Variants in SLC6A11 observed in about 807,000 individuals in gnomAD.
SLC6A11 encodes the protein sodium- and chloride-dependent GABA transporter 3.
Under a neutral mutation model 74.8 loss-of-function variants are expected in SLC6A11, and 25 were observed. The observed-to-expected ratio is 0.33, with a 90% CI of 0.24 to 0.47. The LOEUF (loss-of-function observed/expected upper bound fraction) is 0.47, where lower values mean the gene tolerates loss of function less well. SLC6A11 is among the 20% of genes least tolerant of loss of function. SLC6A11 has a pLI of 1.00. For missense variants in SLC6A11, 574 were observed against 837.0 expected (o/e 0.69, Z 3.88); for synonymous variants, 330 against 330.2 (o/e 1.00, Z 0.01).
chr3:10,864,456 T>A lies in SLC6A11; in HGVS notation c.757-10505T>A, dbSNP rs548246732. 1.6e-3 allele frequency among the ~76,000 whole-genome samples: 236 copies of A among 151,956 alleles called. 1 individual carries two copies. The highest frequency in any genetic ancestry group is 6.8e-3 in the Middle Eastern group (2 of 294). ...CCTCAATGGAGAGCCCCCAAGCTCC[T>A]TCCTCACCAGGTTCCTGGCACATCC... On this transcript the variant is annotated intron_variant, in intron 5 of 13. Transcript: ENST00000254488.
At chr3:10,857,722 G>T (rs1336047599) in intron 5 of SLC6A11, among the ~76,000 whole-genome samples, 2 of 152,178 alleles carry the variant, frequency 1.3e-5, no homozygotes, top group African/African-American at 4.8e-5. Flanking sequence ...GCCACTCACA[G>T]ACCCTGCACC....
intron 6 of SLC6A11, 43 bp from the exon 7 acceptor site, chr3:10,912,047 A>T (rs764275279): frequency 8.2e-6 from 11 of 1,346,740 alleles, no homozygotes; most frequent in Admixed American, 3.4e-5. Context: ...CTCACCACAC[A>T]TCTGACTTCT....
chr3:10,938,706 A>G lies in SLC6A11; in HGVS notation c.*304A>G, dbSNP rs1695788243. 4.8e-6 allele frequency: 1 copy of G among 206,702 alleles called. No homozygotes were observed. Among genetic ancestry groups the G allele is most frequent in the Non-Finnish European group, 9.6e-6 (1 of 104,362 alleles). 12.8% of individuals were successfully genotyped at this position (206,702 alleles called of 1,614,324 possible). On this transcript the variant is annotated 3_prime_UTR_variant, in exon 14 of 14. Transcript: ENST00000254488. Reference sequence around the variant, plus strand: ...TAGGAAGAAGTGTATAATATTGTAAAACTTTTTTTACTGGGGTTGTGGGCC... The same window carrying G: ...TAGGAAGAAGTGTATAATATTGTAAGACTTTTTTTACTGGGGTTGTGGGCC...
At chr3:10,851,606 T>A (rs1212065594) in intron 5 of SLC6A11, among the ~76,000 whole-genome samples, 1 of 152,214 alleles carries the variant, frequency 6.6e-6, no homozygotes, top group African/African-American at 2.4e-5. Flanking sequence ...CCTTCTTCCC[T>A]CCAGGCCCTG....
At chr3:10,935,311 G>A in intron 13 of SLC6A11, 112 bp downstream of exon 13, 4 of 944,818 alleles carry the variant, frequency 4.2e-6, no homozygotes, top group East Asian at 2.4e-5. Flanking sequence ...GCCTCAAGGG[G>A]ACGCTGTGGC....
chr3:10,901,440 C>T lies in SLC6A11; in HGVS notation c.892-10650C>T, dbSNP rs1352540920. 3.9e-5 allele frequency among the ~76,000 whole-genome samples: 6 copies of T among 152,256 alleles called. No homozygotes were observed. In the East Asian group the frequency reaches 9.6e-4, roughly 24 times the overall value. ...CAGGATTGAACGGCTCCTCACCGCC[C>T]GCAGCGCAACCCTTTAGCCCAGTGA... On this transcript the variant is annotated intron_variant, in intron 6 of 13. Coordinates refer to ENST00000254488, the MANE Select transcript of SLC6A11 (RefSeq NM_014229.3).
chr3:10,894,116 G>T (rs1189811738), intron 6 of SLC6A11, among the ~76,000 whole-genome samples: 2 of 152,132 alleles, frequency 1.3e-5, no homozygotes, highest in African/African-American at 4.8e-5. Context: ...CACCCCTCCT[G>T]GTTTCCTGCC....
chr3:10,829,844 T>C (rs950551836), intron 4 of SLC6A11, among the ~76,000 whole-genome samples: 2 of 152,218 alleles, frequency 1.3e-5, no homozygotes, highest in African/African-American at 4.8e-5. Flanking sequence ...TTAAGATTCT[T>C]TAGAGAAGGC....
chr3:10,919,560 G>T (rs74396067), intron 8 of SLC6A11, among the ~76,000 whole-genome samples: 716 of 152,284 alleles, frequency 4.7e-3, no homozygotes, highest in Non-Finnish European at 7.1e-3. Flanking sequence ...AAATAGGCAG[G>T]CCAAGGGGTG....
intron 6 of SLC6A11, among the ~76,000 whole-genome samples, chr3:10,902,408 T>C (rs1288704237): frequency 6.6e-6 from 1 of 152,224 alleles, no homozygotes; most frequent in African/African-American, 2.4e-5. Context: ...AGAAATCTGA[T>C]TTAGTTCACC....
At chr3:10,847,714 G>A (rs549065330) in intron 5 of SLC6A11, among the ~76,000 whole-genome samples, 136 of 152,314 alleles carry the variant, frequency 8.9e-4, no homozygotes, top group African/African-American at 3.1e-3. Flanking sequence ...AGAGAAACCC[G>A]AAGTCCGTGG....
intron 3 of SLC6A11, among the ~76,000 whole-genome samples, chr3:10,820,769 G>C (rs544781036): frequency 6.6e-6 from 1 of 152,172 alleles, no homozygotes; most frequent in Non-Finnish European, 1.5e-5. Flanking sequence ...TCTCAGTCTA[G>C]TCTTGGCCTT....
At chr3:10,855,780 T>G (rs552111129) in intron 5 of SLC6A11, among the ~76,000 whole-genome samples, 18 of 152,258 alleles carry the variant, frequency 1.2e-4, no homozygotes, top group African/African-American at 4.1e-4. Flanking sequence ...GAAATGTGGA[T>G]AGTTGTTAAT....
intron 4 of SLC6A11, among the ~76,000 whole-genome samples, chr3:10,835,564 C>T (rs1474949738): frequency 3.3e-5 from 5 of 152,176 alleles, no homozygotes; most frequent in African/African-American, 9.7e-5. Flanking sequence ...GATTCACTCT[C>T]CTCCCCACAC....
chr3:10,936,346 G>T (rs1559590147), intron 13 of SLC6A11, among the ~76,000 whole-genome samples: 1 of 152,168 alleles, frequency 6.6e-6, no homozygotes, highest in African/African-American at 2.4e-5. Context: ...CCTGAATTTC[G>T]CTGCCTCACC....
intron 5 of SLC6A11, among the ~76,000 whole-genome samples, chr3:10,855,733 G>A (rs910296005): frequency 1.3e-5 from 2 of 152,192 alleles, no homozygotes; most frequent in Non-Finnish European, 2.9e-5. Flanking sequence ...AAAGATAAAC[G>A]TGACCCTGGG....
intron 5 of SLC6A11, among the ~76,000 whole-genome samples, chr3:10,850,316 A>G (rs906187330): frequency 6.6e-6 from 1 of 152,182 alleles, no homozygotes; most frequent in African/African-American, 2.4e-5. Flanking sequence ...CCATGTCCAC[A>G]TGTTCACTTG....
At chr3:10,932,189 G>A (rs1418275958) in intron 10 of SLC6A11, among the ~76,000 whole-genome samples, 3 of 152,086 alleles carry the variant, frequency 2.0e-5, no homozygotes, top group African/African-American at 7.2e-5. Context: ...AACCTTCCCA[G>A]ATTACCTTGG....
At chr3:10,819,359 C>A in intron 1 of SLC6A11, 106 bp from the exon 2 acceptor site, 1 of 1,202,148 alleles carries the variant, frequency 8.3e-7, no homozygotes, top group Non-Finnish European at 1.2e-6. Context: ...AACTCAAGTT[C>A]AAAGAACATC....
Sources: gnomAD v4.1 joint callset for allele counts (sites outside exome capture counted in the v4.1 genomes callset) on GRCh38, gnomAD v4.1.1 for gene constraint, MANE v1.5 for transcripts, NCBI Gene and HGNC (gene_info 2026-07-23, HGNC 2026-07-21) for gene names.